The following COL5A2 variants were observed in gnomAD, a reference collection of about 807,000 sequenced individuals.
The protein encoded by COL5A2 is collagen alpha-2(V) chain.
COL5A2 carries 23 observed loss-of-function variants against 208.2 expected under a neutral mutation model. The ratio of observed to expected loss-of-function variants is 0.11; its 90% CI spans 0.08 to 0.16. COL5A2 has a LOEUF of 0.16. Among genes scored for constraint, COL5A2 ranks in the 10% least tolerant of loss-of-function variants. The pLI, the probability that COL5A2 is intolerant of heterozygous loss-of-function variation, is 1.00. For synonymous variants in COL5A2, 625 were observed against 628.5 expected, an observed-to-expected ratio of 0.99 and a Z score of 0.08; for missense variants, 1,590 against 1,956.4, an observed-to-expected ratio of 0.81 and a Z score of 3.53.
Position 189,033,865 on chromosome 2 carries a change from A to C in COL5A2, c.*205T>G. 1 of 659,792 alleles carries C rather than the reference A, an allele frequency of 1.5e-6. No individual in the cohort carries two copies. Among genetic ancestry groups the C allele is most frequent in the Non-Finnish European group, 2.6e-6 (1 of 388,220 alleles). The allele number at this position is 659,792 out of a possible 1,614,324, so 40.9% of individuals were successfully genotyped here. A position where few individuals can be genotyped will look rare whatever the true frequency, so the allele number is the denominator to read the frequency against. On this transcript the variant is annotated 3_prime_UTR_variant, in exon 54 of 54. Coordinates refer to ENST00000374866, the MANE Select transcript of COL5A2 (RefSeq NM_000393.5). ...TAAACTGTTGTATTGAAAAATATTT[A>C]AAATCAATTAAAACTTGAGGATTGT...
chr2:189,383,771 C>A, the COL5A2 span, among the ~76,000 whole-genome samples: 1 of 152,096 alleles, frequency 6.6e-6, no homozygotes, highest in South Asian at 2.1e-4. Flanking sequence ...CGTTCTAATT[C>A]CACTTTCCTA....
chr2:189,040,765 G>A (rs1685544861), intron 50 of COL5A2, among the ~76,000 whole-genome samples: 1 of 152,068 alleles, frequency 6.6e-6, no homozygotes, highest in Non-Finnish European at 1.5e-5. Flanking sequence ...AAGGCCCACT[G>A]AATCACAAAG....
upstream of COL5A2, among the ~76,000 whole-genome samples, chr2:189,181,494 T>C (rs1045904365): frequency 3.3e-5 from 5 of 152,210 alleles, no homozygotes; most frequent in African/African-American, 1.2e-4. Flanking sequence ...AACAGGAAGA[T>C]AAGTAAATGT....
chr2:189,439,467 C>A, the COL5A2 span, among the ~76,000 whole-genome samples: 1,167 of 152,252 alleles, frequency 7.7e-3, 17 homozygotes, highest in African/African-American at 0.026. Context: ...AGCATAAGGA[C>A]AAAACCAATA....
the COL5A2 span, among the ~76,000 whole-genome samples, chr2:189,400,593 T>A: frequency 6.6e-6 from 1 of 152,218 alleles, no homozygotes; most frequent in Non-Finnish European, 1.5e-5. Context: ...AGAGTGTATT[T>A]CTATCATTCT....
the COL5A2 span, among the ~76,000 whole-genome samples, chr2:189,343,833 T>C: frequency 2.6e-5 from 4 of 152,204 alleles, no homozygotes; most frequent in African/African-American, 9.6e-5. Flanking sequence ...GCTGGGTTTA[T>C]AGTTTTATAA....
chr2:189,057,446 A>G lies in COL5A2; in HGVS notation c.2230-19T>C, dbSNP rs774481405. 3 of 1,522,540 alleles carry G rather than the reference A, an allele frequency of 2.0e-6. No individual in the cohort carries two copies. The South Asian group carries it at 3.4e-5, about 17-fold the overall frequency. The allele number at this position is 1,522,540 out of a possible 1,614,324, so 94.3% of individuals were successfully genotyped here. On this transcript the variant is annotated intron_variant, in intron 33 of 53. Transcript: ENST00000374866. ...GACTGCCCTAAAATGAACCAACATT[A>G]AGTGACCATACCAATAATATTAAGA...
the COL5A2 span, among the ~76,000 whole-genome samples, chr2:189,310,319 G>T: frequency 6.6e-6 from 1 of 152,174 alleles, no homozygotes; most frequent in African/African-American, 2.4e-5. Flanking sequence ...ATGAAAAGGT[G>T]CTCAACACCA....
the COL5A2 span, among the ~76,000 whole-genome samples, chr2:189,397,913 A>G: frequency 6.6e-6 from 1 of 151,970 alleles, no homozygotes; most frequent in African/African-American, 2.4e-5. Context: ...GCTTTCTTCT[A>G]TAATAAATTT....
chr2:189,270,673 G>A, the COL5A2 span, among the ~76,000 whole-genome samples: 1 of 152,082 alleles, frequency 6.6e-6, no homozygotes, highest in Admixed American at 6.6e-5. Context: ...TCAGACAAGA[G>A]AAAGAAATAA....
the COL5A2 span, among the ~76,000 whole-genome samples, chr2:189,402,376 C>T: frequency 6.6e-5 from 10 of 152,152 alleles, no homozygotes; most frequent in Non-Finnish European, 1.0e-4. Flanking sequence ...TGCCACCACA[C>T]CCAGTTAATT....
At chr2:189,123,889 C>A (rs866648407) in intron 1 of COL5A2, among the ~76,000 whole-genome samples, 1 of 151,976 alleles carries the variant, frequency 6.6e-6, no homozygotes, top group Non-Finnish European at 1.5e-5. Context: ...AAAATATACG[C>A]CCATAACTAT....
chr2:189,397,027 T>C, the COL5A2 span, among the ~76,000 whole-genome samples: 3 of 150,726 alleles, frequency 2.0e-5, no homozygotes, highest in South Asian at 2.1e-4. Flanking sequence ...GAGATAATTA[T>C]ATAAACGTTT....
At chr2:189,362,232 T>C in the COL5A2 span, among the ~76,000 whole-genome samples, 1 of 152,278 alleles carries the variant, frequency 6.6e-6, no homozygotes, top group South Asian at 2.1e-4. Context: ...CTTACAAAGC[T>C]TGAAAAGCAA....
intron 1 of COL5A2, among the ~76,000 whole-genome samples, chr2:189,126,181 C>A (rs1293982995): frequency 6.6e-6 from 1 of 151,778 alleles, no homozygotes; most frequent in Non-Finnish European, 1.5e-5. Flanking sequence ...GCTTGTTCAT[C>A]TTAAGATTTA....
the COL5A2 span, among the ~76,000 whole-genome samples, chr2:189,358,152 C>G: frequency 5.3e-5 from 8 of 152,026 alleles, no homozygotes; most frequent in Middle Eastern, 3.4e-3. Context: ...GAGCTGCAGA[C>G]TGGAGCTGTT....
chr2:189,396,592 T>C, the COL5A2 span, among the ~76,000 whole-genome samples: 1 of 147,400 alleles, frequency 6.8e-6, no homozygotes, highest in South Asian at 2.1e-4. Flanking sequence ...GAGAATGGCG[T>C]GAACCCGGGA....
the COL5A2 span, among the ~76,000 whole-genome samples, chr2:189,260,740 T>C: frequency 1.3e-5 from 2 of 152,192 alleles, no homozygotes; most frequent in Non-Finnish European, 2.9e-5. Context: ...CCAGATGTTC[T>C]CTATTCAGAA....
At chr2:189,068,993 A>C in intron 18 of COL5A2, 109 bp from the exon 19 acceptor site, 1 of 784,956 alleles carries the variant, frequency 1.3e-6, no homozygotes, top group South Asian at 1.5e-5. Context: ...ATACTGAAAG[A>C]GGCCAAAGAG....
Sources: allele counts gnomAD v4.1 joint callset (sites outside exome capture counted in the v4.1 genomes callset), GRCh38; gene constraint gnomAD v4.1.1; transcripts MANE v1.5; gene names NCBI Gene and HGNC (gene_info 2026-07-23, HGNC 2026-07-21).